Variants in LRRC4C observed in about 807,000 individuals in gnomAD.
LRRC4C encodes leucine rich repeat containing 4C.
LRRC4C carries 5 observed loss-of-function variants against 33.6 expected under a neutral mutation model. That is an observed-to-expected ratio of 0.15 (90% CI 0.08 to 0.31). The LOEUF is 0.31. LRRC4C is among the 10% of genes least tolerant of loss of function. The pLI is 1.00. For synonymous variants in LRRC4C, 329 were observed against 302.0 expected, an observed-to-expected ratio of 1.09 and a Z score of -0.93; for missense variants, 560 against 796.7, an observed-to-expected ratio of 0.70 and a Z score of 3.58.
chr11:40,397,596 G>A (rs1321047610), intron 3 of LRRC4C, among the ~76,000 whole-genome samples: 1 of 152,018 alleles, frequency 6.6e-6, no homozygotes, highest in East Asian at 1.9e-4. Flanking sequence ...AGTAGTTGGT[G>A]GGTAAAAAGC....
At chr11:40,143,748 C>T (rs1235501004) in intron 5 of LRRC4C, among the ~76,000 whole-genome samples, 6 of 152,122 alleles carry the variant, frequency 3.9e-5, no homozygotes, top group South Asian at 2.1e-4. Flanking sequence ...TGTTTTATTT[C>T]GCTTGATAAA....
chr11:41,202,611 C>T (rs924290249), intron 1 of LRRC4C, among the ~76,000 whole-genome samples: 5 of 152,002 alleles, frequency 3.3e-5, no homozygotes, highest in African/African-American at 1.2e-4. Context: ...AAATATCCTT[C>T]TGCTTGTAAA....
chr11:40,894,178 A>T (rs531704446), intron 2 of LRRC4C, among the ~76,000 whole-genome samples: 45 of 152,162 alleles, frequency 3.0e-4, no homozygotes, highest in Non-Finnish European at 3.2e-4. Flanking sequence ...TTCACCATAA[A>T]TTCAGTTTAT....
At chr11:40,767,640 T>G (rs1210963677) in intron 2 of LRRC4C, among the ~76,000 whole-genome samples, 1 of 151,598 alleles carries the variant, frequency 6.6e-6, no homozygotes, top group Non-Finnish European at 1.5e-5. Flanking sequence ...CTGACCACAA[T>G]AAAATAAAAC....
intron 3 of LRRC4C, among the ~76,000 whole-genome samples, chr11:40,519,697 A>T (rs1003267310): frequency 3.9e-5 from 6 of 152,200 alleles, no homozygotes; most frequent in Non-Finnish European, 7.3e-5. Context: ...TCTGGAAAGG[A>T]TTCACCATTC....
At chr11:40,447,262 A>G (rs1951679745) in intron 3 of LRRC4C, 1 of 153,038 alleles carries the variant, frequency 6.5e-6, no homozygotes, top group Non-Finnish European at 1.5e-5. Flanking sequence ...AGCTCTTGAA[A>G]GACTGTACTG....
chr11:41,219,528 A>G (rs1294178969), intron 1 of LRRC4C, among the ~76,000 whole-genome samples: 1 of 152,246 alleles, frequency 6.6e-6, no homozygotes, highest in Non-Finnish European at 1.5e-5. Flanking sequence ...GTGTTCCTAC[A>G]TAAAGGTGTA....
chr11:40,363,220 G>A (rs763472836), intron 3 of LRRC4C, among the ~76,000 whole-genome samples: 24 of 152,180 alleles, frequency 1.6e-4, no homozygotes, highest in Non-Finnish European at 3.1e-4. Context: ...GGAATACTAT[G>A]CAGCCATAAA....
intron 2 of LRRC4C, among the ~76,000 whole-genome samples, chr11:40,662,362 C>A (rs990495678): frequency 6.6e-6 from 1 of 152,108 alleles, no homozygotes; most frequent in East Asian, 1.9e-4. Context: ...TGACCACAAA[C>A]CCTATATAAA....
Position 41,302,044 on chromosome 11 carries a change from A to G in LRRC4C, c.-496+157387T>C, listed in dbSNP as rs1950303099. On this transcript the variant is annotated intron_variant, in intron 1 of 6. Transcript: ENST00000528697. ...GAAAATTTAACCTTGATCCTGTAAT[A>G]TAATGTAATATACAATTCACCATTG... Among the ~76,000 whole-genome samples, 5 of 152,234 alleles carry G rather than the reference A, an allele frequency of 3.3e-5. No individual in the cohort carries two copies. In the South Asian group the frequency reaches 1.0e-3, roughly 31 times the overall value.
chr11:40,734,662 G>A (rs1947764010), intron 2 of LRRC4C, among the ~76,000 whole-genome samples: 1 of 152,008 alleles, frequency 6.6e-6, no homozygotes, highest in Non-Finnish European at 1.5e-5. Flanking sequence ...TGACTAACCG[G>A]GAGACAAAAT....
intron 3 of LRRC4C, among the ~76,000 whole-genome samples, chr11:40,643,106 T>G (rs1267224714): frequency 6.6e-6 from 1 of 152,220 alleles, no homozygotes; most frequent in Non-Finnish European, 1.5e-5. Flanking sequence ...CCTGGGTTTT[T>G]GTTTTGGCTC....
At chr11:40,694,537 C>T (rs111726310) in intron 2 of LRRC4C, among the ~76,000 whole-genome samples, 2,577 of 152,212 alleles carry the variant, frequency 0.017, 72 homozygotes, top group African/African-American at 0.058. Flanking sequence ...TGTATTTATA[C>T]ACTCATAATG....
Position 40,141,175 on chromosome 11 carries a change from A to G in LRRC4C, c.-95-322T>C, listed in dbSNP as rs181505800. Among the ~76,000 whole-genome samples the G allele has an allele frequency of 3.3e-4, 50 of 152,242 alleles. No individual in the cohort carries two copies. The East Asian group carries it at 9.7e-3, about 29-fold the overall frequency. ...GTGTCCTGATCAGAACCACATCATAAGATTAAATTGGATAATGCATTATAA... is the reference window on the plus strand; with the variant it reads ...GTGTCCTGATCAGAACCACATCATAGGATTAAATTGGATAATGCATTATAA... On this transcript the variant is annotated intron_variant, in intron 5 of 6. Coordinates refer to ENST00000528697, the MANE Select transcript of LRRC4C (RefSeq NM_001258419.2).
intron 4 of LRRC4C, among the ~76,000 whole-genome samples, chr11:40,302,795 G>T (rs1394556227): frequency 2.6e-5 from 4 of 152,092 alleles, no homozygotes; most frequent in Non-Finnish European, 5.9e-5. Context: ...AAAGATTACT[G>T]TATATTTAGA....
intron 2 of LRRC4C, among the ~76,000 whole-genome samples, chr11:40,914,245 A>G (rs959842825): frequency 6.6e-6 from 1 of 152,214 alleles, no homozygotes; most frequent in Admixed American, 6.5e-5. Context: ...ACACAACAAA[A>G]AAAGAGAATT....
chr11:41,211,552 T>C (rs1565483111), intron 1 of LRRC4C, among the ~76,000 whole-genome samples: 2 of 152,214 alleles, frequency 1.3e-5, no homozygotes, highest in East Asian at 3.9e-4. Context: ...ATTGTTCAAT[T>C]CCCACCTATG....
In LRRC4C at chr11:40,318,938, T is replaced by A. The variant is rs117154537; in HGVS notation, c.-176+690A>T. Among the ~76,000 whole-genome samples, 4 of 152,322 alleles carry A rather than the reference T, an allele frequency of 2.6e-5. No individual in the cohort carries two copies. In the East Asian group the frequency reaches 7.7e-4, roughly 29 times the overall value. ...TGGAAAAAATTTTGCCTAGAATATT[T>A]CTTCTTAAAGCAGGGAAAATCTCAT... is the stretch of plus-strand genomic sequence containing the variant. On this transcript the variant is annotated intron_variant, in intron 4 of 6. Transcript: ENST00000528697.
At chr11:40,843,485 A>G (rs1312218740) in intron 2 of LRRC4C, among the ~76,000 whole-genome samples, 1 of 152,094 alleles carries the variant, frequency 6.6e-6, no homozygotes. Context: ...TTAACTAATC[A>G]ATGTCTCAAG....
Sources: allele counts gnomAD v4.1 joint callset (sites outside exome capture counted in the v4.1 genomes callset), GRCh38; gene constraint gnomAD v4.1.1; transcripts MANE v1.5; gene names NCBI Gene and HGNC (gene_info 2026-07-23, HGNC 2026-07-21).